Variants in PCDHGB3 observed in about 807,000 individuals in gnomAD.
The protein encoded by PCDHGB3 is protocadherin gamma-B3.
A neutral mutation model predicts 59.2 loss-of-function variants in PCDHGB3; 40 were observed. The observed-to-expected ratio is 0.68, with a 90% confidence interval of 0.52 to 0.88. The LOEUF (loss-of-function observed/expected upper bound fraction) is 0.88. Ranked by LOEUF, PCDHGB3 falls within the 40% of genes least tolerant of loss-of-function variation. The probability of loss-of-function intolerance (pLI) is 0.00; values close to 1 mark genes in which losing one functional copy is unlikely to be tolerated. For synonymous variants in PCDHGB3, 581 were observed against 503.6 expected, an observed-to-expected ratio of 1.15 and a Z score of -2.06; for missense variants, 1,309 against 1,187.9, an observed-to-expected ratio of 1.10 and a Z score of -1.50.
Position 141,511,381 on chromosome 5 carries a change from G to C in PCDHGB3, c.*208G>C. 8.5e-7 allele frequency: 1 copy of C among 1,170,380 alleles called. No individual in the cohort carries two copies. Among genetic ancestry groups the C allele is most frequent in the Non-Finnish European group, 1.2e-6 (1 of 854,768 alleles). 72.5% of individuals were successfully genotyped at this position (1,170,380 alleles called of 1,614,324 possible). On this transcript the variant is annotated 3_prime_UTR_variant, in exon 4 of 4. Coordinates refer to ENST00000576222, the MANE Select transcript of PCDHGB3 (RefSeq NM_018924.5). The stretch of plus-strand genomic sequence containing the variant: ...GGGTTGAATATGCAAAAGCAGTTCC[G>C]CTGGGAACCCCCATCCAATCAACTG...
chr5:141,438,617 TATATATATATATATATATACAC>T (rs1342425883), intron 1 of PCDHGB3, among the ~76,000 whole-genome samples: 18 of 37,162 alleles, frequency 4.8e-4, no homozygotes, highest in Admixed American at 2.0e-3. Flanking sequence ...TATATATATA[TATATATATATATATATATACAC>T]ACACACACAC....
intron 1 of PCDHGB3, chr5:141,398,671 A>G (rs759202675): frequency 1.2e-6 from 2 of 1,614,018 alleles, no homozygotes; most frequent in Non-Finnish European, 1.7e-6. Context: ...CTCATTAATA[A>G]TTAAGGAGAA....
At position 141,487,991 on chromosome 5, in the gene PCDHGB3, G is replaced by C. The variant is rs932744807; in HGVS notation, c.2416-6816G>C. ...GCTGTTTTCTCTACTCTTCCTGAAA[G>C]AGGGGATCAGATTCTGAAGTACCTT... On this transcript the variant is annotated intron_variant, in intron 1 of 3. Coordinates refer to ENST00000576222, the MANE Select transcript of PCDHGB3 (RefSeq NM_018924.5). The surrounding 1 kb of genome is among the most constrained non-coding windows in gnomAD (Gnocchi z 5.0). 2.6e-5 allele frequency among the ~76,000 whole-genome samples: 4 copies of C among 152,194 alleles called. No homozygotes were observed. The highest frequency in any genetic ancestry group is 4.4e-5 in the Non-Finnish European group (3 of 68,030).
At chr5:141,451,892 A>C (rs1215224398) in intron 1 of PCDHGB3, among the ~76,000 whole-genome samples, 2 of 152,114 alleles carry the variant, frequency 1.3e-5, no homozygotes, top group Non-Finnish European at 2.9e-5. Context: ...AAAGAAAGGA[A>C]GGAACAAGGG....
At chr5:141,393,348 T>A in intron 1 of PCDHGB3, 1 of 1,613,848 alleles carries the variant, frequency 6.2e-7, no homozygotes, top group Non-Finnish European at 8.5e-7. Flanking sequence ...TCACCACTTC[T>A]CCCTGGACGT....
At position 141,431,316 on chromosome 5, in the gene PCDHGB3, C is replaced by T; in HGVS notation, c.2415+58507C>T. 6.2e-7 allele frequency: 1 copy of T among 1,614,104 alleles called. No individual in the cohort carries two copies. The highest frequency in any genetic ancestry group is 8.5e-7 in the Non-Finnish European group (1 of 1,180,046). The stretch of plus-strand genomic sequence containing the variant: ...TTCTCCCTCATCGTGCAAAATGGAG[C>T]CGACGGTAGTAAGTACCCCGAATTG... On this transcript the variant is annotated intron_variant, in intron 1 of 3. Transcript: ENST00000576222. The surrounding 1 kb of genome is among the most constrained non-coding windows in gnomAD (Gnocchi z 4.8).
intron 1 of PCDHGB3, chr5:141,398,979 C>T (rs769465343): frequency 1.9e-6 from 3 of 1,613,778 alleles, no homozygotes; most frequent in African/African-American, 1.3e-5. Context: ...TCTACAGAAC[C>T]GGGCAAATCT....
intron 1 of PCDHGB3, chr5:141,423,251 A>T: frequency 6.2e-7 from 1 of 1,613,844 alleles, no homozygotes; most frequent in East Asian, 2.2e-5. Context: ...GTCCTGGCGG[A>T]CCTCGGCAGC....
Position 141,431,215 on chromosome 5 carries a change from C to T in PCDHGB3, c.2415+58406C>T, listed in dbSNP as rs1225114172. On this transcript the variant is annotated intron_variant, in intron 1 of 3. Transcript: ENST00000576222. The surrounding 1 kb of genome is among the most constrained non-coding windows in gnomAD (Gnocchi z 4.8). ...AAAATGCAGCCACTGAGATGCGGTT[C>T]CCTCTACCCCACGCCTGGGATCCGG... is the stretch of plus-strand genomic sequence containing the variant. 2.5e-6 allele frequency: 4 copies of T among 1,614,066 alleles called. No homozygotes were observed. The highest frequency in any genetic ancestry group is 1.3e-5 in the African/African-American group (1 of 74,942).
Position 141,389,814 on chromosome 5 carries a change from G to C in PCDHGB3, c.2415+17005G>C, listed in dbSNP as rs753211260. 2.0e-5 allele frequency: 32 copies of C among 1,613,868 alleles called. No individual in the cohort carries two copies. In the Admixed American group the frequency reaches 5.0e-4, roughly 25 times the overall value. ...CGTCCGCCAGCGCCTTCTGGTCGCCGTGCGTGACGGTGGACAGCCACCACT... is the reference window on the plus strand; with the variant it reads ...CGTCCGCCAGCGCCTTCTGGTCGCCCTGCGTGACGGTGGACAGCCACCACT... On this transcript the variant is annotated intron_variant, in intron 1 of 3. Transcript: ENST00000576222.
In PCDHGB3 at chr5:141,476,908, A is replaced by G. The variant is rs754076231; in HGVS notation, c.2416-17899A>G. 6.2e-7 allele frequency: 1 copy of G among 1,614,050 alleles called. No individual in the cohort carries two copies. The highest frequency in any genetic ancestry group is 8.5e-7 in the Non-Finnish European group (1 of 1,180,038). On this transcript the variant is annotated intron_variant, in intron 1 of 3. Coordinates refer to ENST00000576222, the MANE Select transcript of PCDHGB3 (RefSeq NM_018924.5). This position sits in a 1 kb window ranked among gnomAD's most constrained non-coding sequence, Gnocchi z 7.6. ...ATGCACCCTCCGGCACGCGCGTGGT[A>G]CAAGTCCTTGCAACGGATCTGGATG...
chr5:141,458,409 G>A (rs188300064), intron 1 of PCDHGB3, among the ~76,000 whole-genome samples: 2 of 152,126 alleles, frequency 1.3e-5, no homozygotes, highest in East Asian at 1.9e-4. Context: ...GAGACGGAGC[G>A]GGGGTTCCAA....
intron 1 of PCDHGB3, among the ~76,000 whole-genome samples, chr5:141,401,328 G>A (rs919361243): frequency 3.3e-5 from 5 of 151,962 alleles, no homozygotes; most frequent in Non-Finnish European, 7.4e-5. Context: ...GGCAACAAGA[G>A]CAAAACTCCA....
intron 1 of PCDHGB3, among the ~76,000 whole-genome samples, chr5:141,401,414 A>G (rs539285035): frequency 1.3e-5 from 2 of 152,350 alleles, no homozygotes; most frequent in African/African-American, 4.8e-5. Flanking sequence ...AGAGAAAGAG[A>G]GAGACTGATT....
At chr5:141,498,980 GGAAGGAA>G in intron 2 of PCDHGB3, among the ~76,000 whole-genome samples, 1 of 44,970 alleles carries the variant, frequency 2.2e-5, no homozygotes, top group South Asian at 1.0e-3. Context: ...AGGGAAGGAA[GGAAGGAA>G]GGAAGGAAGG....
intron 1 of PCDHGB3, among the ~76,000 whole-genome samples, chr5:141,462,125 A>AT (rs1561991410): frequency 6.6e-6 from 1 of 151,688 alleles, no homozygotes; most frequent in African/African-American, 2.4e-5. Context: ...ACCCAGTCCA[A>AT]TTTTTTGTAT....
At position 141,490,341 on chromosome 5, in the gene PCDHGB3, A is replaced by C. The variant is rs778299384; in HGVS notation, c.2416-4466A>C. ...TCCTAGAGAGCACACCAGTGGGCACAGTAGTGGGGTTGTTTAATGTGCGAG... is the reference window on the plus strand; with the variant it reads ...TCCTAGAGAGCACACCAGTGGGCACCGTAGTGGGGTTGTTTAATGTGCGAG... On this transcript the variant is annotated intron_variant, in intron 1 of 3. Coordinates refer to ENST00000576222, the MANE Select transcript of PCDHGB3 (RefSeq NM_018924.5). This position sits in a 1 kb window ranked among gnomAD's most constrained non-coding sequence, Gnocchi z 5.4. The C allele has an allele frequency of 5.0e-6, 8 of 1,614,204 alleles. No homozygotes were observed. The South Asian group carries it at 8.8e-5, about 18-fold the overall frequency.
At chr5:141,475,902 C>T (rs1296545944) in intron 1 of PCDHGB3, 1 of 576,594 alleles carries the variant, frequency 1.7e-6, no homozygotes, top group Non-Finnish European at 3.0e-6. Context: ...GTGCCGCTGT[C>T]GGCCAATGAA....
intron 1 of PCDHGB3, chr5:141,421,189 C>T: frequency 1.4e-6 from 2 of 1,477,674 alleles, no homozygotes; most frequent in South Asian, 2.7e-5. Flanking sequence ...CACAACCAAC[C>T]AGCTCGAGAA....
Sources: gnomAD v4.1 joint callset for allele counts (sites outside exome capture counted in the v4.1 genomes callset) on GRCh38, gnomAD v4.1.1 for gene constraint, Gnocchi (gnomAD v3.1) non-coding constraint, MANE v1.5 for transcripts, NCBI Gene and HGNC (gene_info 2026-07-23, HGNC 2026-07-21) for gene names.